The following PIWIL1 variants were observed in gnomAD, a reference collection of about 807,000 sequenced individuals.
PIWIL1 encodes piwi like RNA-mediated gene silencing 1.
Under a neutral mutation model 114.4 loss-of-function variants are expected in PIWIL1, and 73 were observed. The ratio of observed to expected loss-of-function variants is 0.64; its 90% CI spans 0.53 to 0.78. The LOEUF (loss-of-function observed/expected upper bound fraction) is 0.78. Among genes scored for constraint, PIWIL1 ranks in the 30% least tolerant of loss-of-function variants. PIWIL1 has a pLI of 0.00. For missense variants in PIWIL1, 723 were observed against 1,063.1 expected (o/e 0.68, Z 4.45); for synonymous variants, 375 against 369.0 (o/e 1.02, Z -0.19).
At chr12:130,350,838 A>G (rs1484376127) in intron 9 of PIWIL1, among the ~76,000 whole-genome samples, 1 of 152,176 alleles carries the variant, frequency 6.6e-6, no homozygotes, top group African/African-American at 2.4e-5. Context: ...TTTTGCATGG[A>G]AAGTATGCAT....
chr12:130,414,421 T>C, the PIWIL1 span: 2 of 1,055,054 alleles, frequency 1.9e-6, no homozygotes, highest in South Asian at 1.6e-5. Flanking sequence ...GACTTTTGTC[T>C]TTTTTGTGTC....
At chr12:130,369,207 T>G (rs1340767858) in intron 19 of PIWIL1, among the ~76,000 whole-genome samples, 1 of 152,158 alleles carries the variant, frequency 6.6e-6, no homozygotes, top group Non-Finnish European at 1.5e-5. Context: ...TTCATCCATG[T>G]CCCTGCAAAG....
the PIWIL1 span, among the ~76,000 whole-genome samples, chr12:130,400,864 G>A: frequency 6.6e-6 from 1 of 152,188 alleles, no homozygotes; most frequent in Admixed American, 6.5e-5. Context: ...CCAGGGAAAT[G>A]CAGTTCAAAA....
rs12230455 is a variant in PIWIL1, at chr12:130,342,180, G to C, written c.-12-400G>C. On this transcript the variant is annotated intron_variant, in intron 1 of 20. Coordinates refer to ENST00000245255, the MANE Select transcript of PIWIL1 (RefSeq NM_004764.5). ...CGTGTGTGTGTGTGTGTGTGTGTGT[G>C]TGTGTGTGTGTCTGTGTATGGGAGT... The C allele has an allele frequency of 5.3e-4, 96 of 182,794 alleles. 1 individual carries two copies. Among genetic ancestry groups the C allele is most frequent in the South Asian group, 7.5e-4 (6 of 7,980 alleles). 11.3% of individuals were successfully genotyped at this position (182,794 alleles called of 1,614,324 possible).
intron 1 of PIWIL1, among the ~76,000 whole-genome samples, chr12:130,340,562 C>A (rs372210328): frequency 6.7e-6 from 1 of 149,562 alleles, no homozygotes; most frequent in Non-Finnish European, 1.5e-5. Flanking sequence ...TCACTCACTG[C>A]GGCTCACTTC....
chr12:130,351,760 T>G (rs550012982), intron 9 of PIWIL1: 2 of 152,324 alleles, frequency 1.3e-5, no homozygotes, highest in Admixed American at 1.3e-4. Flanking sequence ...TGCCTTCATT[T>G]TTCTCCTTTT....
chr12:130,389,427 T>C, the PIWIL1 span, among the ~76,000 whole-genome samples: 1 of 152,100 alleles, frequency 6.6e-6, no homozygotes, highest in African/African-American at 2.4e-5. Context: ...GTTTTTCTTA[T>C]GGAAAAAAAT....
At chr12:130,373,975 GAC>G (rs1395909174), downstream of PIWIL1, among the ~76,000 whole-genome samples, 1 of 152,136 alleles carries the variant, frequency 6.6e-6, no homozygotes, top group Non-Finnish European at 1.5e-5. Flanking sequence ...TAAACACACT[GAC>G]CTCAGGCTGT....
the PIWIL1 span, among the ~76,000 whole-genome samples, chr12:130,404,844 T>C: frequency 6.6e-6 from 1 of 152,154 alleles, no homozygotes; most frequent in African/African-American, 2.4e-5. Flanking sequence ...AAAAATACAA[T>C]AATTAAGACA....
chr12:130,355,384 G>A (rs1297944350), intron 11 of PIWIL1, among the ~76,000 whole-genome samples, 169 bp from the exon 12 acceptor site: 1 of 152,326 alleles, frequency 6.6e-6, no homozygotes, highest in Admixed American at 6.5e-5. Context: ...AAGCCTGAAG[G>A]TGATGAGAGA....
chr12:130,370,170 G>C (rs4759662), intron 19 of PIWIL1, among the ~76,000 whole-genome samples: 47,155 of 151,356 alleles, frequency 0.31, 9,391 homozygotes, highest in Non-Finnish European at 0.44. Context: ...AAATCGCAGG[G>C]TTAATTTCCT....
intron 14 of PIWIL1, among the ~76,000 whole-genome samples, chr12:130,357,949 A>G (rs1168455186): frequency 6.6e-6 from 1 of 152,240 alleles, no homozygotes; most frequent in Non-Finnish European, 1.5e-5. Context: ...AGGTATGGGA[A>G]GAGTAGGGTC....
In PIWIL1 at chr12:130,345,812, A is replaced by C; in HGVS notation, c.250A>C (p.Arg84=). The change falls in exon 4 of 21, where the codon AGA becomes CGA. Residue 84 remains arginine (R), a synonymous_variant. Coordinates refer to ENST00000245255, the MANE Select transcript of PIWIL1 (RefSeq NM_004764.5). ...GTTAGCAGAGAGAGGAGGTCGTCGT[A>C]GAGATTTTCATGATCTTGGTGTGAA... ...LSLAERGGRR[R]DFHDLGVNTR... The C allele has an allele frequency of 6.2e-7, 1 of 1,614,004 alleles. No individual in the cohort carries two copies. The highest frequency in any genetic ancestry group is 8.5e-7 in the Non-Finnish European group (1 of 1,179,866).
chr12:130,385,850 A>G, the PIWIL1 span, among the ~76,000 whole-genome samples: 1 of 152,134 alleles, frequency 6.6e-6, no homozygotes, highest in African/African-American at 2.4e-5. Flanking sequence ...CTTCCCTCCA[A>G]TTTTAAATTT....
the PIWIL1 span, chr12:130,412,790 A>G: frequency 7.5e-6 from 12 of 1,608,080 alleles, no homozygotes; most frequent in Non-Finnish European, 1.0e-5. Context: ...CCATAAACCT[A>G]GAGCCAAGGG....
chr12:130,344,061 T>C (rs555869034), intron 3 of PIWIL1, among the ~76,000 whole-genome samples: 83 of 152,344 alleles, frequency 5.4e-4, no homozygotes, highest in South Asian at 1.2e-3. Flanking sequence ...GTCCTCTTCA[T>C]CAAGTGACAA....
At chr12:130,354,329 A>G (rs1270362214) in intron 9 of PIWIL1, among the ~76,000 whole-genome samples, 3 of 152,198 alleles carry the variant, frequency 2.0e-5, no homozygotes, top group Non-Finnish European at 4.4e-5. Flanking sequence ...TAGGAAAAAG[A>G]TAGGGCACTC....
intron 13 of PIWIL1, among the ~76,000 whole-genome samples, 164 bp downstream of exon 13, chr12:130,357,269 G>A (rs1483096112): frequency 6.6e-6 from 1 of 152,052 alleles, no homozygotes; most frequent in Non-Finnish European, 1.5e-5. Flanking sequence ...GAATGGGTGG[G>A]AGAAGCAACC....
the PIWIL1 span, chr12:130,397,375 C>A: frequency 2.5e-6 from 1 of 398,788 alleles, no homozygotes; most frequent in Non-Finnish European, 4.4e-6. Context: ...TTCACTGCAC[C>A]CAGCTTTTTC....
Sources: gnomAD v4.1 joint callset for allele counts (sites outside exome capture counted in the v4.1 genomes callset) on GRCh38, gnomAD v4.1.1 for gene constraint, MANE v1.5 for transcripts, NCBI Gene and HGNC (gene_info 2026-07-23, HGNC 2026-07-21) for gene names.